Variants in GRM5 observed in about 807,000 individuals in gnomAD.
GRM5 encodes glutamate metabotropic receptor 5.
A neutral mutation model predicts 83.1 loss-of-function variants in GRM5; 19 were observed. That is an observed-to-expected ratio of 0.23 (90% CI 0.16 to 0.34). The LOEUF is 0.34. Among genes scored for constraint, GRM5 ranks in the 10% least tolerant of loss-of-function variants. The probability of loss-of-function intolerance (pLI) is 1.00; values close to 1 mark genes in which losing one functional copy is unlikely to be tolerated. For synonymous variants in GRM5, 675 were observed against 633.6 expected (o/e 1.07, Z -0.98); for missense variants, 1,160 against 1,588.3 (o/e 0.73, Z 4.58).
intron 2 of GRM5, among the ~76,000 whole-genome samples, chr11:88,980,749 G>A (rs1414144067): frequency 6.6e-6 from 1 of 152,150 alleles, no homozygotes; most frequent in South Asian, 2.1e-4. Context: ...CATGAACCCG[G>A]GAGGCAGAGC....
chr11:88,887,797 T>G (rs543900256), intron 2 of GRM5, among the ~76,000 whole-genome samples: 1 of 152,274 alleles, frequency 6.6e-6, no homozygotes, highest in East Asian at 1.9e-4. Context: ...ACCAGAGACT[T>G]TAAAGAAAAA....
chr11:89,038,339 A>G (rs1204355469), intron 2 of GRM5, among the ~76,000 whole-genome samples: 10 of 152,244 alleles, frequency 6.6e-5, no homozygotes, highest in African/African-American at 2.4e-4. Flanking sequence ...TGCCAAAATG[A>G]GATTTCATAA....
intron 3 of GRM5, among the ~76,000 whole-genome samples, chr11:88,738,931 C>G (rs563330663): frequency 1.2e-3 from 183 of 152,220 alleles, no homozygotes; most frequent in Middle Eastern, 3.4e-3. Flanking sequence ...CTTCGCCTAT[C>G]TTTACATGCT....
chr11:88,741,998 C>A (rs1483909839), intron 3 of GRM5, among the ~76,000 whole-genome samples: 1 of 151,808 alleles, frequency 6.6e-6, no homozygotes, highest in Non-Finnish European at 1.5e-5. Flanking sequence ...TTCATGAAAA[C>A]CACCCCCACT....
chr11:88,861,985 A>C lies in GRM5; in HGVS notation c.662-11830T>G, dbSNP rs118027942. On this transcript the variant is annotated intron_variant, in intron 2 of 9. Transcript: ENST00000305447. ...AGTATTTGTTGAATAAATAAATTTT[A>C]GAAAATGAGCAGCAATTTTTCATAA... Among the ~76,000 whole-genome samples, 660 of 152,348 alleles carry C rather than the reference A, an allele frequency of 4.3e-3. 16 individuals carry two copies. The East Asian group carries it at 0.07, about 16-fold the overall frequency.
chr11:88,720,926 G>C (rs569389998), intron 3 of GRM5, among the ~76,000 whole-genome samples: 46 of 151,584 alleles, frequency 3.0e-4, no homozygotes, highest in Admixed American at 2.8e-3. Flanking sequence ...CAATATCTCA[G>C]ATGTGTTTTT....
intron 2 of GRM5, among the ~76,000 whole-genome samples, chr11:88,982,691 A>G (rs1939567248): frequency 1.3e-5 from 2 of 152,222 alleles, no homozygotes; most frequent in Non-Finnish European, 2.9e-5. Context: ...ATTTTGTGAA[A>G]GAAATGTAAT....
intron 2 of GRM5, among the ~76,000 whole-genome samples, chr11:88,986,262 G>C (rs991302146): frequency 6.6e-6 from 1 of 152,078 alleles, no homozygotes; most frequent in Non-Finnish European, 1.5e-5. Flanking sequence ...ATATTGTATG[G>C]TTCAATTTAT....
At chr11:89,064,197 C>G (rs1358664386) in intron 1 of GRM5, among the ~76,000 whole-genome samples, 1 of 152,186 alleles carries the variant, frequency 6.6e-6, no homozygotes, top group Admixed American at 6.5e-5. Flanking sequence ...TGGATTGGCA[C>G]TTATTTTCCT....
At chr11:88,669,034 A>G (rs930347718) in intron 3 of GRM5, among the ~76,000 whole-genome samples, 10 of 152,284 alleles carry the variant, frequency 6.6e-5, no homozygotes, top group Admixed American at 3.3e-4. Context: ...TTGAATTGCC[A>G]TATGATCCAA....
intron 4 of GRM5, among the ~76,000 whole-genome samples, chr11:88,652,466 A>G (rs563954294): frequency 6.6e-6 from 1 of 152,170 alleles, no homozygotes; most frequent in South Asian, 2.1e-4. Context: ...ACACTTAGTT[A>G]TCATATCACT....
intron 2 of GRM5, among the ~76,000 whole-genome samples, chr11:89,027,490 A>AAG (rs1166936658): frequency 5.3e-5 from 8 of 152,168 alleles, no homozygotes; most frequent in African/African-American, 1.7e-4. Flanking sequence ...GAAGACTAGG[A>AAG]AGTTTGGTTT....
At chr11:88,773,301 GT>G (rs1163589188) in intron 3 of GRM5, among the ~76,000 whole-genome samples, 1 of 151,738 alleles carries the variant, frequency 6.6e-6, no homozygotes, top group African/African-American at 2.4e-5. Context: ...TGATGTGGCT[GT>G]TTTTTTTCTT....
At position 88,949,264 on chromosome 11, in the gene GRM5, T is replaced by C. The variant is rs188807561; in HGVS notation, c.661+97948A>G. Among the ~76,000 whole-genome samples the C allele has an allele frequency of 3.9e-3, 596 of 152,352 alleles. 5 individuals are homozygous for C. The highest frequency in any genetic ancestry group is 0.014 in the African/African-American group (567 of 41,578). The stretch of plus-strand genomic sequence containing the variant: ...CATTCTTCCAATTGTTTCACCTTTA[T>C]TGTTGTGCTCTTCTACTTTTGTGCT... On this transcript the variant is annotated intron_variant, in intron 2 of 9. Coordinates refer to ENST00000305447, the MANE Select transcript of GRM5 (RefSeq NM_001143831.3).
chr11:88,614,917 C>T (rs1049972992), intron 4 of GRM5, among the ~76,000 whole-genome samples: 2 of 152,114 alleles, frequency 1.3e-5, no homozygotes, highest in South Asian at 4.1e-4. Flanking sequence ...CCCTGTATCA[C>T]CTTTTTAAAA....
At chr11:89,035,251 A>T (rs780541685) in intron 2 of GRM5, among the ~76,000 whole-genome samples, 2 of 151,810 alleles carry the variant, frequency 1.3e-5, no homozygotes, top group African/African-American at 4.8e-5. Context: ...TCTAGAGTAC[A>T]TGTGCACTAA....
At chr11:88,750,676 G>T (rs192969599) in intron 3 of GRM5, among the ~76,000 whole-genome samples, 28 of 152,078 alleles carry the variant, frequency 1.8e-4, no homozygotes, top group Admixed American at 1.4e-3. Flanking sequence ...TCATAATTGG[G>T]AGTAAAACAC....
chr11:88,616,095 G>A (rs1022234620), intron 4 of GRM5, among the ~76,000 whole-genome samples: 22 of 152,184 alleles, frequency 1.4e-4, no homozygotes, highest in African/African-American at 4.1e-4. Flanking sequence ...TTTAAAAATA[G>A]TATCTAGCAG....
At chr11:88,808,094 T>C (rs1219071660) in intron 3 of GRM5, among the ~76,000 whole-genome samples, 2 of 152,030 alleles carry the variant, frequency 1.3e-5, no homozygotes, top group East Asian at 1.9e-4. Context: ...TAATTGTGTA[T>C]GTGATGGTAT....
Sources: allele counts gnomAD v4.1 joint callset (sites outside exome capture counted in the v4.1 genomes callset), GRCh38; gene constraint gnomAD v4.1.1; transcripts MANE v1.5; gene names NCBI Gene and HGNC (gene_info 2026-07-23, HGNC 2026-07-21).